Variants in NTM observed in about 807,000 individuals in gnomAD.
NTM encodes IgLON family member 2.
A neutral mutation model predicts 42.1 loss-of-function variants in NTM; 13 were observed. That is an observed-to-expected ratio of 0.31 (90% CI 0.20 to 0.49). The LOEUF (loss-of-function observed/expected upper bound fraction) is 0.49, where lower values mean the gene tolerates loss of function less well. NTM is among the 20% of genes least tolerant of loss of function. The pLI is 0.99. For synonymous variants in NTM, 187 were observed against 179.2 expected (o/e 1.04, Z -0.35); for missense variants, 373 against 452.8 (o/e 0.82, Z 1.60).
At chr11:132,249,166 C>A (rs575164714) in intron 4 of NTM, among the ~76,000 whole-genome samples, 5 of 152,320 alleles carry the variant, frequency 3.3e-5, no homozygotes, top group African/African-American at 1.2e-4. Flanking sequence ...CTGGCATCAG[C>A]AAAGCAATCA....
At chr11:131,773,966 T>C (rs1172215903) in intron 1 of NTM, 1 of 977,154 alleles carries the variant, frequency 1.0e-6, no homozygotes, top group African/African-American at 1.8e-5. Flanking sequence ...CCAAATCCAA[T>C]AGTGTTAAGG....
chr11:131,736,884 A>G (rs1232277941), intron 1 of NTM, among the ~76,000 whole-genome samples: 2 of 152,164 alleles, frequency 1.3e-5, no homozygotes, highest in African/African-American at 4.8e-5. Flanking sequence ...TTGATCCATC[A>G]CATTTGCACA....
At chr11:132,069,584 T>G (rs1291003830) in intron 2 of NTM, among the ~76,000 whole-genome samples, 7 of 150,244 alleles carry the variant, frequency 4.7e-5, no homozygotes, top group Non-Finnish European at 1.0e-4. Flanking sequence ...CACAGGTTAG[T>G]TAACACGTCA....
chr11:131,828,681 C>A (rs960627897), intron 1 of NTM, among the ~76,000 whole-genome samples: 1 of 152,126 alleles, frequency 6.6e-6, no homozygotes, highest in African/African-American at 2.4e-5. Context: ...TGATCACCCA[C>A]TGTCTTTTCT....
intron 1 of NTM, chr11:131,573,621 T>C (rs2057660494): frequency 6.6e-6 from 1 of 152,198 alleles, no homozygotes; most frequent in Admixed American, 6.5e-5. Flanking sequence ...CCCCCTCCTA[T>C]GATTGCCGGG....
intron 8 of NTM, chr11:132,332,690 T>C (rs578042719): frequency 1.3e-5 from 2 of 152,294 alleles, no homozygotes; most frequent in South Asian, 4.2e-4. Context: ...CAGGGGGTGT[T>C]TGCCCGCTCT....
rs146641127 is a variant in NTM, at chr11:131,832,668, G to A, written c.83-78896G>A. ...CCCTTCTAATTCCGTGGCCTTAGATGATTGATGAAGGCTTTCTAAGCCTCA... is the reference window on the plus strand; with the variant it reads ...CCCTTCTAATTCCGTGGCCTTAGATAATTGATGAAGGCTTTCTAAGCCTCA... On this transcript the variant is annotated intron_variant, in intron 1 of 8. Transcript: ENST00000683400. Among the ~76,000 whole-genome samples, 94 of 152,276 alleles carry A rather than the reference G, an allele frequency of 6.2e-4. No homozygotes were observed. In the East Asian group the frequency reaches 0.018, roughly 29 times the overall value.
At chr11:131,899,154 G>A (rs2052742939) in intron 1 of NTM, among the ~76,000 whole-genome samples, 2 of 142,416 alleles carry the variant, frequency 1.4e-5, no homozygotes, top group Admixed American at 6.8e-5. Context: ...ATGTGTCCAA[G>A]GTAAATTCAG....
intron 2 of NTM, among the ~76,000 whole-genome samples, chr11:131,940,793 A>G (rs1363259139): frequency 6.6e-6 from 1 of 152,232 alleles, no homozygotes; most frequent in African/African-American, 2.4e-5. Flanking sequence ...TTGTCACTGA[A>G]TCTGGCATGT....
At chr11:131,789,961 A>T in intron 1 of NTM, among the ~76,000 whole-genome samples, 1 of 149,224 alleles carries the variant, frequency 6.7e-6, no homozygotes, top group Admixed American at 6.6e-5. Context: ...GTCTCAAAAA[A>T]AAAAAAAAAA....
intron 7 of NTM, among the ~76,000 whole-genome samples, chr11:132,318,065 G>A (rs1398418245): frequency 2.0e-5 from 3 of 152,208 alleles, no homozygotes; most frequent in Non-Finnish European, 4.4e-5. Flanking sequence ...CAGCAGCAGA[G>A]TCAGACACCA....
chr11:131,527,532 T>C (rs960362306), intron 1 of NTM, among the ~76,000 whole-genome samples: 1 of 152,238 alleles, frequency 6.6e-6, no homozygotes, highest in African/African-American at 2.4e-5. Context: ...ATATAGGCCA[T>C]TGAACTCTGT....
rs561765834 is a variant in NTM, at chr11:131,910,639, G to A, written c.83-925G>A. 5.7e-3 allele frequency among the ~76,000 whole-genome samples: 865 copies of A among 150,600 alleles called. 11 individuals carry two copies. The highest frequency in any genetic ancestry group is 0.02 in the African/African-American group (821 of 41,386). ...CGGGGCTGCTCCCGGGAGGAAGGCG[G>A]CGCGGAGGCCGGGGGCGGCCGCTGA... On this transcript the variant is annotated intron_variant, in intron 1 of 8. Transcript: ENST00000683400.
In NTM at chr11:131,711,988, G is replaced by C. The variant is rs1340926166; in HGVS notation, c.83-199576G>C. 5.5e-5 allele frequency among the ~76,000 whole-genome samples: 6 copies of C among 109,626 alleles called. No homozygotes were observed. The East Asian group carries it at 1.9e-3, about 35-fold the overall frequency. 71.9% of individuals were successfully genotyped at this position (109,626 alleles called of 152,430 possible). The stretch of plus-strand genomic sequence containing the variant: ...CACACTCTGGGGACTGTGGTGGGGT[G>C]GGGGGAGGGGGGAGGGATAGCATTA... On this transcript the variant is annotated intron_variant, in intron 1 of 8. Transcript: ENST00000683400.
chr11:132,094,459 G>C (rs1157529181), intron 2 of NTM, among the ~76,000 whole-genome samples: 2 of 152,050 alleles, frequency 1.3e-5, no homozygotes, highest in African/African-American at 2.4e-5. Context: ...GTGGCTACTC[G>C]GGTGTCTCTC....
At chr11:131,508,649 T>TGATA (rs1477090266) in intron 1 of NTM, among the ~76,000 whole-genome samples, 2 of 150,632 alleles carry the variant, frequency 1.3e-5, no homozygotes, top group African/African-American at 2.5e-5. Flanking sequence ...TGTCCAACAA[T>TGATA]GATAGACTGG....
intron 1 of NTM, among the ~76,000 whole-genome samples, chr11:131,474,654 T>C (rs1952752482): frequency 6.6e-6 from 1 of 152,176 alleles, no homozygotes; most frequent in African/African-American, 2.4e-5. Flanking sequence ...ACCTGGACTT[T>C]TCAACATTCA....
intron 2 of NTM, among the ~76,000 whole-genome samples, chr11:132,083,257 ATT>A (rs2059309853): frequency 6.6e-6 from 1 of 152,262 alleles, no homozygotes; most frequent in African/African-American, 2.4e-5. Flanking sequence ...CAAATCTATG[ATT>A]AGCTTTGAAA....
chr11:131,895,407 A>C (rs2052107984), intron 1 of NTM, among the ~76,000 whole-genome samples: 2 of 152,154 alleles, frequency 1.3e-5, no homozygotes, highest in East Asian at 3.9e-4. Context: ...AATAAAGGTA[A>C]TAGTACCTAG....
Sources: allele counts gnomAD v4.1 joint callset (sites outside exome capture counted in the v4.1 genomes callset), GRCh38; gene constraint gnomAD v4.1.1; transcripts MANE v1.5; gene names NCBI Gene and HGNC (gene_info 2026-07-23, HGNC 2026-07-21).